Variants in TRAF3IP1 observed in about 807,000 individuals in gnomAD.
The protein encoded by TRAF3IP1 is TRAF3-interacting protein 1.
A neutral mutation model predicts 89.9 loss-of-function variants in TRAF3IP1; 53 were observed. The ratio of observed to expected loss-of-function variants is 0.59; its 90% CI spans 0.47 to 0.74. The LOEUF (loss-of-function observed/expected upper bound fraction) is 0.74, where lower values mean the gene tolerates loss of function less well. Ranked by LOEUF, TRAF3IP1 falls within the 30% of genes least tolerant of loss-of-function variation. The pLI, the probability that TRAF3IP1 is intolerant of heterozygous loss-of-function variation, is 0.00. For missense variants in TRAF3IP1, 806 were observed against 866.1 expected, an observed-to-expected ratio of 0.93 and a Z score of 0.87; for synonymous variants, 311 against 322.1, an observed-to-expected ratio of 0.97 and a Z score of 0.37.
intron 15 of TRAF3IP1, among the ~76,000 whole-genome samples, chr2:238,381,399 C>T (rs1700544908): frequency 6.6e-6 from 1 of 152,210 alleles, no homozygotes; most frequent in Non-Finnish European, 1.5e-5. Flanking sequence ...GGGCCATAGG[C>T]ATGGGTGGCG....
chr2:238,351,297 G>A lies in TRAF3IP1; in HGVS notation c.1452-1530G>A, dbSNP rs960457931. Among the ~76,000 whole-genome samples, 3 of 151,926 alleles carry A rather than the reference G, an allele frequency of 2.0e-5. No homozygotes were observed. The highest frequency in any genetic ancestry group is 7.3e-5 in the African/African-American group (3 of 41,320). On this transcript the variant is annotated intron_variant, in intron 12 of 16. Transcript: ENST00000373327. The surrounding 1 kb of genome is among the most constrained non-coding windows in gnomAD (Gnocchi z 5.2). ...GTTGGTGAGAGTGGCGGGTCCAGGA[G>A]GACTGGGTGGGACCATGGGTTGGCA...
intron 11 of TRAF3IP1, 139 bp from the exon 12 acceptor site, chr2:238,349,186 C>T: frequency 1.3e-6 from 1 of 761,908 alleles, no homozygotes; most frequent in South Asian, 1.8e-5. Context: ...TCCTCCTCTT[C>T]TGCAGAGTAG....
chr2:238,396,328 A>T (rs896836899), intron 15 of TRAF3IP1, among the ~76,000 whole-genome samples: 6 of 138,492 alleles, frequency 4.3e-5, no homozygotes, highest in African/African-American at 1.6e-4. Context: ...GAATTGAACA[A>T]TGAGAACACA....
rs950187650 is a variant in TRAF3IP1 at position 238,329,290 on chromosome 2, C to T, written c.863C>T (p.Ser288Phe). The change falls in exon 5 of 17, where the codon TCC (serine) becomes TTC (phenylalanine). Residue 288 changes from serine (S) to phenylalanine (F), a missense_variant. Transcript: ENST00000373327. Reference sequence around the variant, plus strand: ...CGGAGAGTGAAAAACGGGGAGCACTCCTGGGACCTGGACAGGGAGAAGAAC... The same window carrying T: ...CGGAGAGTGAAAAACGGGGAGCACTTCTGGGACCTGGACAGGGAGAAGAAC... The part of the protein sequence containing the change: ...DRRRVKNGEH[S>F]WDLDREKNRE... 8 of 1,474,428 alleles carry T rather than the reference C, an allele frequency of 5.4e-6. No individual in the cohort carries two copies. The highest frequency in any genetic ancestry group is 4.2e-5 in the African/African-American group (3 of 70,692). 91.3% of individuals were successfully genotyped at this position (1,474,428 alleles called of 1,614,324 possible). A position where few individuals can be genotyped will look rare whatever the true frequency, so the allele number is the denominator to read the frequency against.
chr2:238,395,293 T>C (rs971205610), intron 15 of TRAF3IP1, among the ~76,000 whole-genome samples: 8 of 152,240 alleles, frequency 5.3e-5, no homozygotes, highest in Non-Finnish European at 1.2e-4. Flanking sequence ...AATGTTTCCC[T>C]ATTTAATAAA....
intron 15 of TRAF3IP1, among the ~76,000 whole-genome samples, chr2:238,360,260 GA>G (rs1242291459): frequency 1.1e-4 from 16 of 152,216 alleles, no homozygotes; most frequent in African/African-American, 3.9e-4. Context: ...TATGGGTGGG[GA>G]TAGGACTGTT....
chr2:238,347,488 C>T lies in TRAF3IP1; in HGVS notation c.1282+13C>T, dbSNP rs1296307605. The stretch of plus-strand genomic sequence containing the variant: ...ACCAGTGATGCAGGTGAGGAATGGC[C>T]TTAGATACCTGTGTGTCATATCAAT... On this transcript the variant is annotated intron_variant, in intron 10 of 16. Coordinates refer to ENST00000373327, the MANE Select transcript of TRAF3IP1 (RefSeq NM_015650.4). 6.2e-7 allele frequency: 1 copy of T among 1,613,714 alleles called. No homozygotes were observed. Among genetic ancestry groups the T allele is most frequent in the East Asian group, 2.2e-5 (1 of 44,882 alleles).
rs150407213 is a variant in TRAF3IP1 at position 238,351,906 on chromosome 2, C to CGT, written c.1452-900_1452-899dup. Reference sequence around the variant, plus strand: ...GTGCGTGCATGTGCTTGTGTGTATGCGTGTGTGTGTGTGTGTGTGTGTATG... The same window carrying CGT: ...GTGCGTGCATGTGCTTGTGTGTATGCGTGTGTGTGTGTGTGTGTGTGTGTATG... On this transcript the variant is annotated intron_variant, in intron 12 of 16. Transcript: ENST00000373327. This position sits in a 1 kb window ranked among gnomAD's most constrained non-coding sequence, Gnocchi z 5.2. Among the ~76,000 whole-genome samples, 8,833 of 144,098 alleles carry CGT rather than the reference C, an allele frequency of 0.061. 337 individuals carry two copies. Among genetic ancestry groups the CGT allele is most frequent in the Non-Finnish European group, 0.082 (5,345 of 65,384 alleles). 94.5% of individuals were successfully genotyped at this position (144,098 alleles called of 152,430 possible). A position where few individuals can be genotyped will look rare whatever the true frequency, so the allele number is the denominator to read the frequency against.
At chr2:238,332,730 C>A in intron 5 of TRAF3IP1, 94 bp from the exon 6 acceptor site, 2 of 910,144 alleles carry the variant, frequency 2.2e-6, no homozygotes, top group Non-Finnish European at 3.5e-6. Context: ...AATGATTTCA[C>A]TGTTGGTCAG....
At position 238,381,634 on chromosome 2, in the gene TRAF3IP1, GA is replaced by G. The variant is rs146983880; in HGVS notation, c.1690-15824del. On this transcript the variant is annotated intron_variant, in intron 15 of 16. Coordinates refer to ENST00000373327, the MANE Select transcript of TRAF3IP1 (RefSeq NM_015650.4). ...AAAGTTCCCTTGTAGACACCACCCT[GA>G]TGGGCCACTGCCCTGCACTTGTCCC... 7.6e-3 allele frequency among the ~76,000 whole-genome samples: 1,153 copies of G among 152,284 alleles called. 4 individuals are homozygous for G. The highest frequency in any genetic ancestry group is 0.013 in the Non-Finnish European group (859 of 68,024).
At chr2:238,348,714 T>C in intron 10 of TRAF3IP1, 50 bp from the exon 11 acceptor site, 2 of 1,468,840 alleles carry the variant, frequency 1.4e-6, no homozygotes, top group Non-Finnish European at 1.9e-6. Flanking sequence ...CAAATAGTTA[T>C]CTATGTGTGT....
intron 16 of TRAF3IP1, 72 bp from the exon 17 acceptor site, chr2:238,398,682 A>G: frequency 7.3e-7 from 1 of 1,375,178 alleles, no homozygotes; most frequent in East Asian, 2.5e-5. Flanking sequence ...GTTGTCTTTC[A>G]ATGTCTTAAT....
At chr2:238,378,354 T>A (rs1700406097) in intron 15 of TRAF3IP1, among the ~76,000 whole-genome samples, 1 of 152,248 alleles carries the variant, frequency 6.6e-6, no homozygotes, top group African/African-American at 2.4e-5. Flanking sequence ...TCACCAGCCA[T>A]CTGGCACCTG....
chr2:238,396,144 G>A (rs1430381302), intron 15 of TRAF3IP1, among the ~76,000 whole-genome samples: 5 of 152,008 alleles, frequency 3.3e-5, no homozygotes, highest in South Asian at 2.1e-4. Context: ...GTCCAACAAC[G>A]ATAGACTGGA....
intron 8 of TRAF3IP1, among the ~76,000 whole-genome samples, chr2:238,343,613 T>G (rs62196670): frequency 6.6e-6 from 1 of 151,314 alleles, no homozygotes; most frequent in Non-Finnish European, 1.5e-5. Context: ...TCCTAAAGTG[T>G]TGAGACTTCA....
intron 15 of TRAF3IP1, among the ~76,000 whole-genome samples, chr2:238,360,937 A>G (rs1456552443): frequency 2.6e-5 from 4 of 152,128 alleles, no homozygotes; most frequent in East Asian, 3.8e-4. Context: ...ATGATGTTGA[A>G]TATCTGTCCT....
chr2:238,353,531 G>T (rs970492934), intron 14 of TRAF3IP1, among the ~76,000 whole-genome samples: 1 of 152,306 alleles, frequency 6.6e-6, no homozygotes, highest in East Asian at 1.9e-4. Context: ...GAGGCCCTTT[G>T]CAAGTCTAGT....
intron 2 of TRAF3IP1, 149 bp from the exon 3 acceptor site, chr2:238,325,660 G>A: frequency 1.2e-6 from 1 of 836,534 alleles, no homozygotes. Context: ...TGTTTTGTCA[G>A]TAAAAGGTCA....
rs1468903901 is a variant in TRAF3IP1, at chr2:238,395,724, G to A, written c.1690-1735G>A. Among the ~76,000 whole-genome samples the A allele has an allele frequency of 8.5e-5, 13 of 152,158 alleles. No homozygotes were observed. The East Asian group carries it at 2.3e-3, about 27-fold the overall frequency. On this transcript the variant is annotated intron_variant, in intron 15 of 16. Transcript: ENST00000373327. ...CCATCAAAAAGTGGGCAAAGGATATGAACACACACTTCTCAAAAGAAGACA... is the reference window on the plus strand; with the variant it reads ...CCATCAAAAAGTGGGCAAAGGATATAAACACACACTTCTCAAAAGAAGACA...
Sources: allele counts gnomAD v4.1 joint callset (sites outside exome capture counted in the v4.1 genomes callset), GRCh38; gene constraint gnomAD v4.1.1; non-coding constraint Gnocchi (gnomAD v3.1); transcripts MANE v1.5; gene names NCBI Gene and HGNC (gene_info 2026-07-23, HGNC 2026-07-21).